The following TRIM2 variants were observed in gnomAD, a reference collection of about 807,000 sequenced individuals.
TRIM2 encodes tripartite motif-containing protein 2.
Under a neutral mutation model 75.2 loss-of-function variants are expected in TRIM2, and 20 were observed. The ratio of observed to expected loss-of-function variants is 0.27; its 90% confidence interval spans 0.19 to 0.39. The LOEUF (loss-of-function observed/expected upper bound fraction) is 0.39, where lower values mean the gene tolerates loss of function less well. Among genes scored for constraint, TRIM2 ranks in the 10% least tolerant of loss-of-function variants. The probability of loss-of-function intolerance (pLI) is 1.00; values close to 1 mark genes in which losing one functional copy is unlikely to be tolerated. For synonymous variants in TRIM2, 373 were observed against 388.3 expected, an observed-to-expected ratio of 0.96 and a Z score of 0.46; for missense variants, 660 against 990.8, an observed-to-expected ratio of 0.67 and a Z score of 4.48.
intron 1 of TRIM2, among the ~76,000 whole-genome samples, chr4:153,228,378 G>C (rs1742718357): frequency 6.6e-6 from 1 of 152,210 alleles, no homozygotes; most frequent in South Asian, 2.1e-4. Flanking sequence ...GAGCTGTCCT[G>C]AATAGCTTTA....
In TRIM2 at chr4:153,337,654, G is replaced by A. The variant is rs2149615122; in HGVS notation, c.*2688G>A. On this transcript the variant is annotated 3_prime_UTR_variant, in exon 12 of 12. Coordinates refer to ENST00000338700, the MANE Select transcript of TRIM2 (RefSeq NM_015271.5). ...TGATACAAGTAGACAAAATTTAAAT[G>A]AAATTTTGTCACATTCTATGGAAAA... 1.0e-6 allele frequency: 1 copy of A among 985,814 alleles called. No homozygotes were observed. The allele number at this position is 985,814 out of a possible 1,614,324, so 61.1% of individuals were successfully genotyped here. A position where few individuals can be genotyped will look rare whatever the true frequency, so the allele number is the denominator to read the frequency against.
chr4:153,313,926 T>A (rs1213730640), intron 6 of TRIM2, among the ~76,000 whole-genome samples: 1 of 152,114 alleles, frequency 6.6e-6, no homozygotes, highest in Non-Finnish European at 1.5e-5. Context: ...CATGAGCCAC[T>A]GTTCCCGGCC....
At chr4:153,288,086 G>A (rs1192869780) in intron 3 of TRIM2, among the ~76,000 whole-genome samples, 1 of 151,860 alleles carries the variant, frequency 6.6e-6, no homozygotes, top group Non-Finnish European at 1.5e-5. Flanking sequence ...TCAGCAGTTT[G>A]AATATATTAC....
intron 1 of TRIM2, among the ~76,000 whole-genome samples, chr4:153,253,958 C>T (rs1438002716): frequency 2.0e-5 from 3 of 152,154 alleles, no homozygotes; most frequent in African/African-American, 4.8e-5. Flanking sequence ...TATTTATAAA[C>T]TTGCTTTTAC....
upstream of TRIM2, chr4:153,152,413 T>TACAC (rs1728814095): frequency 4.7e-5 from 2 of 42,844 alleles, no homozygotes; most frequent in East Asian, 8.4e-4. Flanking sequence ...TGTGTGTATA[T>TACAC]ATATATATAT....
At chr4:153,267,300 C>G (rs748323358) in intron 1 of TRIM2, among the ~76,000 whole-genome samples, 6 of 152,090 alleles carry the variant, frequency 3.9e-5, no homozygotes, top group Non-Finnish European at 8.8e-5. Context: ...GACATATACT[C>G]CTTGGATTTG....
chr4:153,278,797 CA>C (rs5863036), intron 3 of TRIM2, among the ~76,000 whole-genome samples: 1,614 of 123,002 alleles, frequency 0.013, 17 homozygotes, highest in African/African-American at 0.01. Context: ...GACTCTATCT[CA>C]AAAAAAAAAA....
chr4:153,283,940 A>G (rs374704392), intron 3 of TRIM2, among the ~76,000 whole-genome samples: 10 of 130,860 alleles, frequency 7.6e-5, no homozygotes, highest in African/African-American at 3.0e-4. Context: ...GTGCAATCTC[A>G]GCTCACTGCA....
At chr4:153,301,172 C>T (rs1285658204) in intron 6 of TRIM2, among the ~76,000 whole-genome samples, 1 of 150,620 alleles carries the variant, frequency 6.6e-6, no homozygotes, top group Non-Finnish European at 1.5e-5. Flanking sequence ...GCCTGAGTGA[C>T]AGAGCGAGAC....
intron 9 of TRIM2, among the ~76,000 whole-genome samples, chr4:153,323,707 T>C (rs1769496584): frequency 6.6e-6 from 1 of 152,162 alleles, no homozygotes; most frequent in South Asian, 2.1e-4. Flanking sequence ...GCCACGTCTT[T>C]CCTTGGTGGG....
chr4:153,322,474 G>C (rs1279166190), intron 8 of TRIM2, among the ~76,000 whole-genome samples, 174 bp from the exon 9 acceptor site: 1 of 152,122 alleles, frequency 6.6e-6, no homozygotes, highest in Non-Finnish European at 1.5e-5. Flanking sequence ...GCAGATAATG[G>C]ATGTGACAAA....
At chr4:153,239,307 G>C (rs1161741735) in intron 1 of TRIM2, among the ~76,000 whole-genome samples, 1 of 150,446 alleles carries the variant, frequency 6.6e-6, no homozygotes, top group South Asian at 2.1e-4. Context: ...AGCCGAGATC[G>C]TGCCACTGCA....
Position 153,324,165 on chromosome 4 carries a change from AGTT to A in TRIM2, c.2022+24_2022+26del, listed in dbSNP as rs780841611. The A allele has an allele frequency of 1.3e-5, 21 of 1,602,360 alleles. No homozygotes were observed. Among genetic ancestry groups the A allele is most frequent in the South Asian group, 3.4e-5 (3 of 88,600 alleles). Reference sequence around the variant, plus strand: ...TCTGTCAAGGTACTACAAGCACATGAGTTGTTGTTAACTTTTAACTGCTTTTAT... The same window carrying A: ...TCTGTCAAGGTACTACAAGCACATGAGTTGTTAACTTTTAACTGCTTTTAT... On this transcript the variant is annotated intron_variant, in intron 10 of 11. Transcript: ENST00000338700.
intron 6 of TRIM2, among the ~76,000 whole-genome samples, chr4:153,302,565 G>A (rs1160758431): frequency 3.3e-5 from 5 of 152,210 alleles, no homozygotes; most frequent in Non-Finnish European, 2.9e-5. Context: ...CAGGCAAAGG[G>A]ACCAGTGTGA....
At chr4:153,324,263 T>G (rs575647251) in intron 10 of TRIM2, 115 bp downstream of exon 10, 1 of 827,606 alleles carries the variant, frequency 1.2e-6, no homozygotes, top group East Asian at 2.9e-5. Context: ...ACCAGCAGAG[T>G]AGACTTTGTT....
chr4:153,264,824 T>G (rs1204848813), intron 1 of TRIM2, among the ~76,000 whole-genome samples: 1 of 152,180 alleles, frequency 6.6e-6, no homozygotes, highest in African/African-American at 2.4e-5. Context: ...CTGGCAAATC[T>G]GGGGATCTTT....
intron 1 of TRIM2, among the ~76,000 whole-genome samples, chr4:153,212,787 GTCT>G (rs766480789): frequency 2.6e-5 from 4 of 152,202 alleles, no homozygotes; most frequent in Non-Finnish European, 5.9e-5. Context: ...TTGGGGGCCT[GTCT>G]TCTTTATTCC....
In TRIM2 at chr4:153,336,797, A is replaced by G; in HGVS notation, c.*1831A>G. 1.0e-6 allele frequency: 1 copy of G among 985,604 alleles called. No homozygotes were observed. Among genetic ancestry groups the G allele is most frequent in the Non-Finnish European group, 1.2e-6 (1 of 829,676 alleles). The allele number at this position is 985,604 out of a possible 1,614,324, so 61.1% of individuals were successfully genotyped here. ...TATGCCCAAATCAACCTCTGAAAAAAGGTTTTTCCAGGAAGATTTACATTT... is the reference window on the plus strand; with the variant it reads ...TATGCCCAAATCAACCTCTGAAAAAGGGTTTTTCCAGGAAGATTTACATTT... On this transcript the variant is annotated 3_prime_UTR_variant, in exon 12 of 12. Transcript: ENST00000338700.
intron 1 of TRIM2, among the ~76,000 whole-genome samples, chr4:153,230,147 G>A (rs528076223): frequency 1.2e-4 from 18 of 152,210 alleles, no homozygotes; most frequent in Non-Finnish European, 2.1e-4. Context: ...TGACTGCTAC[G>A]GTACTTACAG....
Sources: gnomAD v4.1 joint callset for allele counts (sites outside exome capture counted in the v4.1 genomes callset) on GRCh38, gnomAD v4.1.1 for gene constraint, MANE v1.5 for transcripts, NCBI Gene and HGNC (gene_info 2026-07-23, HGNC 2026-07-21) for gene names.